The following NRXN1 variants were observed in gnomAD, a reference collection of about 807,000 sequenced individuals.
The protein encoded by NRXN1 is neurexin-1.
In NRXN1, 39 loss-of-function variants were observed where a neutral mutation model predicts 150.9. The ratio of observed to expected loss-of-function variants is 0.26; its 90% CI spans 0.20 to 0.34. NRXN1 has a LOEUF of 0.34. NRXN1 is among the 10% of genes least tolerant of loss of function. The probability of loss-of-function intolerance (pLI) is 1.00; values close to 1 mark genes in which losing one functional copy is unlikely to be tolerated. For missense variants in NRXN1, 1,815 were observed against 1,949.9 expected, an observed-to-expected ratio of 0.93 and a Z score of 1.30; for synonymous variants, 924 against 757.0, an observed-to-expected ratio of 1.22 and a Z score of -3.62.
At chr2:50,565,676 G>T (rs947364741) in intron 8 of NRXN1, among the ~76,000 whole-genome samples, 4 of 152,084 alleles carry the variant, frequency 2.6e-5, no homozygotes, top group African/African-American at 9.7e-5. Flanking sequence ...ACTAGTTTGA[G>T]AAAATAAAGA....
At chr2:50,753,685 A>G (rs992469343) in intron 5 of NRXN1, among the ~76,000 whole-genome samples, 1 of 151,930 alleles carries the variant, frequency 6.6e-6, no homozygotes, top group Non-Finnish European at 1.5e-5. Context: ...GAAAATAAAT[A>G]CCAGAAAAGG....
At chr2:50,824,293 AC>A (rs1281216339) in intron 5 of NRXN1, among the ~76,000 whole-genome samples, 1 of 132,194 alleles carries the variant, frequency 7.6e-6, no homozygotes, top group Non-Finnish European at 1.7e-5. Flanking sequence ...TACAATTCAA[AC>A]CCTTTGAGTG....
intron 5 of NRXN1, among the ~76,000 whole-genome samples, chr2:50,753,348 T>C (rs920860613): frequency 5.9e-5 from 9 of 151,842 alleles, no homozygotes; most frequent in Non-Finnish European, 1.0e-4. Context: ...AAATGGGAAG[T>C]AGATGTGTTG....
intron 2 of NRXN1, among the ~76,000 whole-genome samples, chr2:50,929,264 T>C (rs1452006370): frequency 6.6e-6 from 1 of 152,050 alleles, no homozygotes; most frequent in Non-Finnish European, 1.5e-5. Flanking sequence ...ATGTGCTTGT[T>C]TCAATATAAA....
At chr2:50,131,874 T>G (rs981377287) in intron 18 of NRXN1, among the ~76,000 whole-genome samples, 1 of 151,280 alleles carries the variant, frequency 6.6e-6, no homozygotes, top group Non-Finnish European at 1.5e-5. Flanking sequence ...GACAAGTCAA[T>G]AGCAGGTAAA....
At chr2:50,721,841 G>T (rs1696698782) in intron 5 of NRXN1, among the ~76,000 whole-genome samples, 1 of 151,852 alleles carries the variant, frequency 6.6e-6, no homozygotes, top group South Asian at 2.1e-4. Context: ...CATTAATATG[G>T]GTGTTAGTAT....
intron 17 of NRXN1, among the ~76,000 whole-genome samples, chr2:50,266,890 T>C (rs188162863): frequency 6.6e-6 from 1 of 152,182 alleles, no homozygotes; most frequent in African/African-American, 2.4e-5. Flanking sequence ...TAAACAAGTA[T>C]AGAAAACATT....
intron 17 of NRXN1, among the ~76,000 whole-genome samples, chr2:50,365,632 T>C (rs1324791746): frequency 6.6e-6 from 1 of 152,088 alleles, no homozygotes; most frequent in Non-Finnish European, 1.5e-5. Flanking sequence ...TTTAATGTCT[T>C]AAAATCCATC....
chr2:50,973,582 A>G (rs1310291589), intron 2 of NRXN1, among the ~76,000 whole-genome samples: 3 of 152,144 alleles, frequency 2.0e-5, no homozygotes, highest in Non-Finnish European at 4.4e-5. Context: ...ATGTAACAAA[A>G]GAGTTACATA....
At chr2:50,548,968 C>G (rs946613451) in intron 9 of NRXN1, among the ~76,000 whole-genome samples, 6 of 152,204 alleles carry the variant, frequency 3.9e-5, no homozygotes, top group African/African-American at 1.4e-4. Flanking sequence ...CCAGGCAAAT[C>G]AACAGATATG....
intron 8 of NRXN1, among the ~76,000 whole-genome samples, chr2:50,560,214 A>C (rs952311545): frequency 3.9e-5 from 6 of 152,146 alleles, no homozygotes; most frequent in African/African-American, 7.2e-5. Flanking sequence ...AACACTGTTG[A>C]GCTTAACTGA....
At chr2:50,754,666 G>T (rs912478127) in intron 5 of NRXN1, among the ~76,000 whole-genome samples, 2 of 151,590 alleles carry the variant, frequency 1.3e-5, no homozygotes, top group Non-Finnish European at 3.0e-5. Context: ...CCACTCTGCC[G>T]AAAGCTTCCA....
At chr2:50,925,306 C>A (rs1201474307) in intron 3 of NRXN1, among the ~76,000 whole-genome samples, 6 of 151,718 alleles carry the variant, frequency 4.0e-5, no homozygotes. Flanking sequence ...TTCAAAATTC[C>A]TTGACAGAGA....
At chr2:49,984,275 G>C (rs1439391409) in intron 21 of NRXN1, among the ~76,000 whole-genome samples, 2 of 152,136 alleles carry the variant, frequency 1.3e-5, no homozygotes, top group African/African-American at 4.8e-5. Context: ...TGGCTAGCAA[G>C]TGGAAAAATC....
intron 2 of NRXN1, among the ~76,000 whole-genome samples, chr2:51,018,851 A>G (rs1669143549): frequency 6.6e-6 from 1 of 152,074 alleles, no homozygotes; most frequent in Non-Finnish European, 1.5e-5. Flanking sequence ...TTTAGTTGCA[A>G]TATTTTGGGG....
At chr2:50,070,782 A>AC (rs1558813327) in intron 19 of NRXN1, among the ~76,000 whole-genome samples, 2 of 150,918 alleles carry the variant, frequency 1.3e-5, no homozygotes, top group African/African-American at 4.9e-5. Context: ...AAAAAAAAAA[A>AC]AAAAAAACCT....
At chr2:50,480,980 A>T (rs2090414386) in intron 15 of NRXN1, among the ~76,000 whole-genome samples, 1 of 152,222 alleles carries the variant, frequency 6.6e-6, no homozygotes, top group Non-Finnish European at 1.5e-5. Flanking sequence ...CCTTAACTTG[A>T]CCAAGCATTT....
chr2:50,077,844 C>A (rs1697331761), intron 19 of NRXN1, among the ~76,000 whole-genome samples: 1 of 151,686 alleles, frequency 6.6e-6, no homozygotes, highest in South Asian at 2.1e-4. Flanking sequence ...GATAATATGC[C>A]CAAGATGACA....
intron 12 of NRXN1, among the ~76,000 whole-genome samples, chr2:50,508,371 CA>C (rs2105016006): frequency 6.7e-6 from 1 of 148,338 alleles, no homozygotes; most frequent in African/African-American, 2.5e-5. Context: ...CCAGCAACTG[CA>C]AAAATACTTT....
Sources: gnomAD v4.1 joint callset for allele counts (sites outside exome capture counted in the v4.1 genomes callset) on GRCh38, gnomAD v4.1.1 for gene constraint, MANE v1.5 for transcripts, NCBI Gene and HGNC (gene_info 2026-07-23, HGNC 2026-07-21) for gene names.